The following CLCN3 variants were observed in gnomAD, a reference collection of about 807,000 sequenced individuals.
CLCN3 encodes Cl-/H+ antiporter 3.
A neutral mutation model predicts 83.4 loss-of-function variants in CLCN3; 16 were observed. The ratio of observed to expected loss-of-function variants is 0.19; its 90% CI spans 0.13 to 0.29. The LOEUF (loss-of-function observed/expected upper bound fraction) is 0.29, where lower values mean the gene tolerates loss of function less well. CLCN3 is among the 10% of genes least tolerant of loss of function. The probability of loss-of-function intolerance (pLI) is 1.00; values close to 1 mark genes in which losing one functional copy is unlikely to be tolerated. For missense variants in CLCN3, 544 were observed against 1,006.0 expected (o/e 0.54, Z 6.21); for synonymous variants, 322 against 346.2 (o/e 0.93, Z 0.78).
intron 11 of CLCN3, among the ~76,000 whole-genome samples, chr4:169,707,883 ATT>A (rs1231254115): frequency 2.0e-5 from 3 of 152,164 alleles, no homozygotes; most frequent in Non-Finnish European, 4.4e-5. Flanking sequence ...GCCATAGTGT[ATT>A]TCTTGGAGAT....
chr4:169,637,130 TGC>T (rs1730234185), intron 2 of CLCN3, among the ~76,000 whole-genome samples: 1 of 152,212 alleles, frequency 6.6e-6, no homozygotes, highest in Non-Finnish European at 1.5e-5. Context: ...TGAGTTTAAA[TGC>T]CTTTTTGTGT....
intron 3 of CLCN3, among the ~76,000 whole-genome samples, chr4:169,685,396 A>T (rs1183928289): frequency 6.6e-6 from 1 of 152,184 alleles, no homozygotes. Context: ...TCTTCCCCTT[A>T]TAAGTAATAA....
chr4:169,719,871 T>C (rs778468721), intron 12 of CLCN3, 36 bp from the exon 13 acceptor site: 6 of 1,549,190 alleles, frequency 3.9e-6, no homozygotes, highest in African/African-American at 2.8e-5. Context: ...TATTTTCCCT[T>C]TTATTTCATA....
intron 9 of CLCN3, among the ~76,000 whole-genome samples, chr4:169,702,240 C>G (rs1302500757): frequency 6.6e-6 from 1 of 152,134 alleles, no homozygotes; most frequent in Non-Finnish European, 1.5e-5. Flanking sequence ...TGGGAGGATG[C>G]CTGTCCTGCC....
chr4:169,680,482 A>G, intron 3 of CLCN3: 1 of 281,384 alleles, frequency 3.6e-6, no homozygotes, highest in Non-Finnish European at 6.6e-6. Context: ...AATACAGCAC[A>G]GGAGTTGGGG....
At chr4:169,714,286 GT>G (rs200183020) in intron 12 of CLCN3, among the ~76,000 whole-genome samples, 72 of 144,406 alleles carry the variant, frequency 5.0e-4, no homozygotes, top group Admixed American at 6.9e-4. Context: ...GTTTTTTGTT[GT>G]TTTTTTTTTT....
Position 169,706,959 on chromosome 4 carries a change from C to T in CLCN3, c.1842C>T (p.Val614=), listed in dbSNP as rs1370540876. 3 of 1,613,986 alleles carry T rather than the reference C, an allele frequency of 1.9e-6. No homozygotes were observed. The highest frequency in any genetic ancestry group is 1.3e-5 in the African/African-American group (1 of 74,918). Residue 614 remains valine, a synonymous_variant, in exon 11 of 13, where the codon GTC becomes GTT. Transcript: ENST00000513761. ...ATATTGTTCCCCTTATGGCTGCAGT[C>T]ATGACCAGTAAATGGGTTGGAGATG... The part of the protein sequence containing the change: ...LEYIVPLMAA[V]MTSKWVGDAF...
At chr4:169,713,336 A>G (rs755634622) in intron 12 of CLCN3, 41 bp downstream of exon 12, 10 of 1,473,218 alleles carry the variant, frequency 6.8e-6, no homozygotes, top group African/African-American at 1.4e-5. Flanking sequence ...TTGCTAGAAT[A>G]TAGGATCCTT....
At chr4:169,638,488 A>ATT (rs5864001) in intron 2 of CLCN3, among the ~76,000 whole-genome samples, 7 of 152,010 alleles carry the variant, frequency 4.6e-5, no homozygotes, top group South Asian at 2.1e-4. Flanking sequence ...TTTATCACAG[A>ATT]TTTTTTTTCT....
chr4:169,633,173 C>T (rs571691949), intron 1 of CLCN3, among the ~76,000 whole-genome samples: 2 of 152,100 alleles, frequency 1.3e-5, no homozygotes, highest in South Asian at 2.1e-4. Context: ...CCACCACGCC[C>T]GGCTAATTTT....
At chr4:169,660,521 A>T in intron 2 of CLCN3, 1 of 1,082,186 alleles carries the variant, frequency 9.2e-7, no homozygotes, top group Non-Finnish European at 1.2e-6. Context: ...TCTAGCTTAA[A>T]CTGGTTCTCG....
At position 169,707,285 on chromosome 4, in the gene CLCN3, A is replaced by G. The variant is rs566357795; in HGVS notation, c.2149+19A>G. On this transcript the variant is annotated intron_variant, in intron 11 of 12. Coordinates refer to ENST00000513761, the MANE Select transcript of CLCN3 (RefSeq NM_001829.4). ...GCAATAGGTACCCTTTCAAAAATAT[A>G]TATATGTATATATGAGATGGATTTC... is the stretch of plus-strand genomic sequence containing the variant. 1.4e-4 allele frequency: 207 copies of G among 1,500,688 alleles called. 2 individuals are homozygous for G. In the South Asian group the frequency reaches 2.5e-3, roughly 18 times the overall value. The allele number at this position is 1,500,688 out of a possible 1,614,324, so 93.0% of individuals were successfully genotyped here.
chr4:169,639,999 T>C (rs1730360028), intron 2 of CLCN3, among the ~76,000 whole-genome samples: 1 of 152,214 alleles, frequency 6.6e-6, no homozygotes, highest in South Asian at 2.1e-4. Flanking sequence ...TATTCCCACG[T>C]ACAACATAGT....
At chr4:169,719,244 A>C (rs867596246) in intron 12 of CLCN3, among the ~76,000 whole-genome samples, 14 of 152,328 alleles carry the variant, frequency 9.2e-5, no homozygotes, top group Middle Eastern at 6.8e-3. Flanking sequence ...GGACGGGTGG[A>C]TCACAAGGTC....
intron 3 of CLCN3, among the ~76,000 whole-genome samples, chr4:169,681,415 AT>A (rs1409404036): frequency 6.6e-6 from 1 of 152,266 alleles, no homozygotes; most frequent in African/African-American, 2.4e-5. Flanking sequence ...TACACAAATT[AT>A]AAGCTTCCAT....
At chr4:169,697,999 C>T (rs772849313) in intron 9 of CLCN3, among the ~76,000 whole-genome samples, 8 of 152,154 alleles carry the variant, frequency 5.3e-5, no homozygotes, top group Non-Finnish European at 8.8e-5. Flanking sequence ...TTGGGAAGGG[C>T]TCAACTGGGC....
rs1167546531 is a variant in CLCN3, at chr4:169,697,587, T to G, written c.1416T>G (p.Cys472Trp). The change falls in exon 9 of 13, where the codon TGT (cysteine) becomes TGG (tryptophan). Residue 472 changes from cysteine to tryptophan, a missense_variant. By Grantham distance (215) the Cys-to-Trp change is radical. Transcript: ENST00000513761. ...GTCCCCTGGAATCCTCTTCTCTTTG[T>G]GACTACAGAAATGACATGAATGCCA... ...DCGPLESSSL[C>W]DYRNDMNASK... 1 of 1,614,220 alleles carries G rather than the reference T, an allele frequency of 6.2e-7. No homozygotes were observed. The highest frequency in any genetic ancestry group is 1.7e-5 in the Admixed American group (1 of 60,022).
intron 11 of CLCN3, among the ~76,000 whole-genome samples, chr4:169,709,874 G>C (rs1018138222): frequency 1.3e-5 from 2 of 151,950 alleles, no homozygotes; most frequent in African/African-American, 4.8e-5. Flanking sequence ...AGGGTGGGAG[G>C]TTTGTTTGGC....
intron 3 of CLCN3, among the ~76,000 whole-genome samples, chr4:169,681,527 A>G (rs191404400): frequency 5.1e-4 from 77 of 152,324 alleles, no homozygotes; most frequent in Admixed American, 1.1e-3. Flanking sequence ...CCTTTAGGGC[A>G]TATCTAAAAA....
Sources: gnomAD v4.1 joint callset for allele counts (sites outside exome capture counted in the v4.1 genomes callset) on GRCh38, gnomAD v4.1.1 for gene constraint, MANE v1.5 for transcripts, NCBI Gene and HGNC (gene_info 2026-07-23, HGNC 2026-07-21) for gene names.